Variants in ANKRD11 observed in about 807,000 individuals in gnomAD.
ANKRD11 encodes ankyrin repeat domain-containing protein 11.
A neutral mutation model predicts 195.7 loss-of-function variants in ANKRD11; 17 were observed. The ratio of observed to expected loss-of-function variants is 0.09; its 90% CI spans 0.06 to 0.13. The LOEUF (loss-of-function observed/expected upper bound fraction) is 0.13, where lower values mean the gene tolerates loss of function less well. ANKRD11 is among the 10% of genes least tolerant of loss of function. ANKRD11 has a pLI of 1.00. For missense variants in ANKRD11, 3,735 were observed against 3,566.1 expected (o/e 1.05, Z -1.21); for synonymous variants, 1,953 against 1,528.1 (o/e 1.28, Z -6.49).
chr16:89,278,202 G>T (rs1431027620), intron 9 of ANKRD11: 1 of 313,986 alleles, frequency 3.2e-6, no homozygotes, highest in African/African-American at 2.2e-5. Context: ...CCTGAGAACA[G>T]GAGGGCAGGG....
chr16:89,405,058 C>T (rs1261706494), intron 2 of ANKRD11, among the ~76,000 whole-genome samples: 1 of 152,066 alleles, frequency 6.6e-6, no homozygotes, highest in African/African-American at 2.4e-5. Context: ...ACAACACAGC[C>T]CGACGCCCCG....
intron 2 of ANKRD11, among the ~76,000 whole-genome samples, chr16:89,403,311 C>A (rs931542855): frequency 1.3e-5 from 2 of 152,134 alleles, no homozygotes; most frequent in Admixed American, 6.6e-5. Flanking sequence ...GCCTGCTCCC[C>A]CCTCCTGACC....
chr16:89,323,383 G>A, intron 2 of ANKRD11: 1 of 1,267,846 alleles, frequency 7.9e-7, no homozygotes, highest in South Asian at 1.2e-5. Flanking sequence ...ATCTCAGTGG[G>A]CAAGGGGAGA....
chr16:89,371,017 T>C (rs567945240), intron 2 of ANKRD11, among the ~76,000 whole-genome samples: 129 of 152,148 alleles, frequency 8.5e-4, no homozygotes, highest in African/African-American at 3.0e-3. Flanking sequence ...GAGAAAAATG[T>C]GTTTGGCAAT....
chr16:89,312,495 C>G (rs1023585388), intron 3 of ANKRD11, among the ~76,000 whole-genome samples: 1 of 152,214 alleles, frequency 6.6e-6, no homozygotes. Flanking sequence ...GGCCACAGGC[C>G]GTGTGCTCTG....
chr16:89,441,767 CAAAAA>C (rs57747159), intron 1 of ANKRD11, among the ~76,000 whole-genome samples: 64 of 52,356 alleles, frequency 1.2e-3, no homozygotes, highest in African/African-American at 3.9e-3. Context: ...ACTCCGCCTA[CAAAAA>C]AAAAAAAAAA....
At chr16:89,384,874 G>GTTTTTTTTTTTTTTTTTTTT (rs1257714722) in intron 2 of ANKRD11, among the ~76,000 whole-genome samples, 2 of 72,768 alleles carry the variant, frequency 2.7e-5, no homozygotes, top group African/African-American at 5.6e-5. Context: ...ATGAGAAATA[G>GTTTTTTTTTTTTTTTTTTTT]TTTTCTTTTT....
In ANKRD11 at chr16:89,280,648, C is replaced by A. The variant is rs780892836; in HGVS notation, c.5894G>T (p.Gly1965Val). The A allele has an allele frequency of 1.2e-6, 2 of 1,613,486 alleles. No homozygotes were observed. The highest frequency in any genetic ancestry group is 1.7e-6 in the Non-Finnish European group (2 of 1,179,966). Residue 1965 changes from glycine to valine, a missense_variant, in exon 9 of 13, where the codon GGC becomes GTC. Physicochemically the swap from Gly to Val is moderately radical, Grantham distance 109. Transcript: ENST00000301030. The part of the protein sequence containing the change: ...EQALASSLIG[G>V]TSENPVSWPV... ...CCAGCTCACAGGGTTTTCAGAGGTG[C>A]CCCCGATCAGGCTAGAGGCAAGCGC...
chr16:89,271,080 C>A, intron 11 of ANKRD11, 171 bp from the exon 12 acceptor site: 1 of 685,988 alleles, frequency 1.5e-6, no homozygotes. Flanking sequence ...GCGCACCCTG[C>A]CCATCTCCCT....
chr16:89,329,557 T>G (rs1334805487), intron 2 of ANKRD11, among the ~76,000 whole-genome samples: 2 of 152,076 alleles, frequency 1.3e-5, no homozygotes, highest in African/African-American at 2.4e-5. Flanking sequence ...CAATTGTAAT[T>G]CAATAAAGCT....
chr16:89,312,405 C>T (rs1035957104), intron 3 of ANKRD11, among the ~76,000 whole-genome samples: 30 of 151,802 alleles, frequency 2.0e-4, no homozygotes, highest in African/African-American at 4.1e-4. Flanking sequence ...CGGGGCAGGG[C>T]GGAGGCAGCA....
chr16:89,461,155 G>C (rs2056649652), intron 1 of ANKRD11, among the ~76,000 whole-genome samples: 1 of 125,184 alleles, frequency 8.0e-6, no homozygotes, highest in Admixed American at 9.0e-5. Flanking sequence ...ACATTCATAA[G>C]AGAAGAAAGG....
intron 2 of ANKRD11, chr16:89,392,488 G>A (rs752056730): frequency 6.6e-6 from 1 of 152,084 alleles, no homozygotes; most frequent in Non-Finnish European, 1.5e-5. Flanking sequence ...TTTTGAAAAT[G>A]TCTCAATGGG....
intron 2 of ANKRD11, among the ~76,000 whole-genome samples, chr16:89,363,036 T>A (rs535160235): frequency 0.011 from 1,711 of 149,700 alleles, 44 homozygotes; most frequent in African/African-American, 0.041. Context: ...GCAAAACTGC[T>A]GGCGAGTGTA....
At position 89,286,051 on chromosome 16, in the gene ANKRD11, C is replaced by G; in HGVS notation, c.880G>C (p.Glu294Gln). The G allele has an allele frequency of 6.2e-7, 1 of 1,614,224 alleles. No homozygotes were observed. Among genetic ancestry groups the G allele is most frequent in the Non-Finnish European group, 8.5e-7 (1 of 1,180,046 alleles). Residue 294 changes from glutamate to glutamine, a missense_variant, in exon 8 of 13, where the codon GAG (glutamate) becomes CAG (glutamine). Physicochemically the swap from Glu to Gln is conservative, Grantham distance 29. Transcript: ENST00000301030. ...LGKGTYTSSE[E>Q]SSTESSEEED... is the part of the protein sequence containing the mutation. ...GGCCGTGACTTACCCGTCGAGCTCT[C>G]CTCGCTGGAAGTGTAAGTGCCTTTG...
rs752451204 is a variant in ANKRD11, at chr16:89,284,963, C to T, written c.1579G>A (p.Gly527Arg). ...SLSASSTSSH[G>R]SSAAQKQNPS... The stretch of plus-strand genomic sequence containing the variant: ...TTCTGCTTCTGGGCGGCAGAGCTCC[C>T]GTGAGACGAGGTGGAGGAGGCAGAG... The change falls in exon 9 of 13, where the codon GGG (glycine) becomes AGG (arginine). Residue 527 changes from glycine (G) to arginine (R), a missense_variant. By Grantham distance (125) the Gly-to-Arg change is moderately radical (BLOSUM62 -2). Transcript: ENST00000301030. 2.1e-5 allele frequency: 34 copies of T among 1,613,962 alleles called. No homozygotes were observed. Among genetic ancestry groups the T allele is most frequent in the Non-Finnish European group, 2.8e-5 (33 of 1,180,008 alleles).
At chr16:89,295,364 G>A (rs529866132) in intron 4 of ANKRD11, among the ~76,000 whole-genome samples, 4 of 152,300 alleles carry the variant, frequency 2.6e-5, no homozygotes, top group Admixed American at 1.3e-4. Context: ...GAGCCTGGGC[G>A]GCCACCCACC....
intron 2 of ANKRD11, among the ~76,000 whole-genome samples, chr16:89,348,009 C>A (rs2039025699): frequency 6.6e-6 from 1 of 152,038 alleles, no homozygotes; most frequent in African/African-American, 2.4e-5. Context: ...TCTCGGCTCA[C>A]TGCAGCCTCT....
At chr16:89,358,330 G>T (rs1411496270) in intron 2 of ANKRD11, among the ~76,000 whole-genome samples, 1 of 152,200 alleles carries the variant, frequency 6.6e-6, no homozygotes, top group African/African-American at 2.4e-5. Flanking sequence ...CATATTCACG[G>T]GAGTGAACAT....
Sources: gnomAD v4.1 joint callset for allele counts (sites outside exome capture counted in the v4.1 genomes callset) on GRCh38, gnomAD v4.1.1 for gene constraint, MANE v1.5 for transcripts, NCBI Gene and HGNC (gene_info 2026-07-23, HGNC 2026-07-21) for gene names.